The following SSH2 variants were observed in gnomAD, a reference collection of about 807,000 sequenced individuals.
SSH2 encodes protein phosphatase Slingshot homolog 2.
In SSH2, 37 loss-of-function variants were observed where a neutral mutation model predicts 135.2. The ratio of observed to expected loss-of-function variants is 0.27; its 90% CI spans 0.21 to 0.36. The LOEUF (loss-of-function observed/expected upper bound fraction) is 0.36, where lower values mean the gene tolerates loss of function less well. SSH2 is among the 10% of genes least tolerant of loss of function. The probability of loss-of-function intolerance (pLI) is 1.00; values close to 1 mark genes in which losing one functional copy is unlikely to be tolerated. For synonymous variants in SSH2, 628 were observed against 646.2 expected, an observed-to-expected ratio of 0.97 and a Z score of 0.43; for missense variants, 1,408 against 1,765.3, an observed-to-expected ratio of 0.80 and a Z score of 3.63.
chr17:29,809,889 C>T (rs546899633), intron 2 of SSH2, among the ~76,000 whole-genome samples: 1 of 152,162 alleles, frequency 6.6e-6, no homozygotes, highest in East Asian at 1.9e-4. Flanking sequence ...CTTAGGTGTC[C>T]CTTTCTCCAG....
chr17:29,632,876 G>A lies in SSH2; in HGVS notation c.2318C>T (p.Ala773Val). 1 of 1,614,076 alleles carries A rather than the reference G, an allele frequency of 6.2e-7. No homozygotes were observed. Among genetic ancestry groups the A allele is most frequent in the Non-Finnish European group, 8.5e-7 (1 of 1,179,984 alleles). Residue 773 changes from alanine to valine, a missense_variant, in exon 16 of 16, where the codon GCA becomes GTA. Coordinates refer to ENST00000540801, the MANE Select transcript of SSH2 (RefSeq NM_001282129.2). ...DIFMQSHSEN[A>V]ISVKEIVTEI... The stretch of plus-strand genomic sequence containing the variant: ...AGTGACAATTTCTTTGACTGAAATT[G>A]CATTTTCCGAGTGAGACTGCATGAA...
At chr17:29,901,914 G>C (rs1246583891) in intron 1 of SSH2, among the ~76,000 whole-genome samples, 1 of 152,038 alleles carries the variant, frequency 6.6e-6, no homozygotes, top group African/African-American at 2.4e-5. Context: ...CTCTCAAGTA[G>C]TAAGACTATA....
chr17:29,816,024 T>C lies in SSH2; in HGVS notation c.145-22087A>G, dbSNP rs550963896. On this transcript the variant is annotated intron_variant, in intron 2 of 15. Transcript: ENST00000540801. ...CCACCACATCTGGCTAATTTTTGTA[T>C]TTTTAGTGGAGACAGGGTTTTGCCA... Among the ~76,000 whole-genome samples, 36 of 151,692 alleles carry C rather than the reference T, an allele frequency of 2.4e-4. No homozygotes were observed. In the South Asian group the frequency reaches 7.3e-3, roughly 31 times the overall value.
At chr17:29,678,120 G>A (rs1419468196) in intron 6 of SSH2, among the ~76,000 whole-genome samples, 1 of 145,994 alleles carries the variant, frequency 6.8e-6, no homozygotes, top group African/African-American at 2.5e-5. Context: ...TTGAGATGGA[G>A]TCTTACTCTG....
At chr17:29,672,630 A>G (rs1403622039) in intron 8 of SSH2, among the ~76,000 whole-genome samples, 2 of 152,122 alleles carry the variant, frequency 1.3e-5, no homozygotes, top group Non-Finnish European at 2.9e-5. Flanking sequence ...TGTTGATCTA[A>G]TGATATTTAT....
intron 3 of SSH2, among the ~76,000 whole-genome samples, chr17:29,771,781 ATGG>A (rs2041591457): frequency 6.6e-6 from 1 of 152,218 alleles, no homozygotes; most frequent in African/African-American, 2.4e-5. Context: ...TTTGTTTAGG[ATGG>A]TCAAGTTTCC....
Position 29,844,836 on chromosome 17 carries a change from C to T in SSH2, c.144+4013G>A, listed in dbSNP as rs116077524. 9.8e-3 allele frequency among the ~76,000 whole-genome samples: 1,492 copies of T among 152,270 alleles called. 16 individuals carry two copies. Among genetic ancestry groups the T allele is most frequent in the African/African-American group, 0.032 (1,322 of 41,546 alleles). ...TCCTGCCTTCTCTTCCAGGAAAGCC[C>T]CAAGAGATCTAAGGCAGCCAGCCCT... On this transcript the variant is annotated intron_variant, in intron 2 of 15. Transcript: ENST00000540801.
chr17:29,680,664 C>T (rs959923058), intron 6 of SSH2, among the ~76,000 whole-genome samples: 4 of 146,018 alleles, frequency 2.7e-5, no homozygotes, highest in African/African-American at 5.0e-5. Flanking sequence ...AACAGAAACA[C>T]AGCTACCATG....
chr17:29,865,762 A>G (rs1050183214), intron 1 of SSH2, among the ~76,000 whole-genome samples: 2 of 152,210 alleles, frequency 1.3e-5, no homozygotes, highest in African/African-American at 4.8e-5. Context: ...AGTGTCTTCT[A>G]AAGACTACCA....
chr17:29,789,855 C>T (rs1599002833), intron 3 of SSH2, among the ~76,000 whole-genome samples: 1 of 152,168 alleles, frequency 6.6e-6, no homozygotes, highest in Non-Finnish European at 1.5e-5. Flanking sequence ...CCTATCAGTC[C>T]TACTTTCCTT....
chr17:29,899,750 A>G (rs554138936), intron 1 of SSH2, among the ~76,000 whole-genome samples: 1 of 152,334 alleles, frequency 6.6e-6, no homozygotes, highest in East Asian at 1.9e-4. Context: ...CAAGCTATCA[A>G]TGACTTTCTT....
intron 2 of SSH2, among the ~76,000 whole-genome samples, chr17:29,826,374 ATCCTACCAG>A (rs1555640068): frequency 6.6e-6 from 1 of 152,180 alleles, no homozygotes; most frequent in Non-Finnish European, 1.5e-5. Context: ...AGGAAACATA[ATCCTACCAG>A]TATGGAGAAG....
chr17:29,822,588 C>T (rs534388358), intron 2 of SSH2, among the ~76,000 whole-genome samples: 1 of 151,816 alleles, frequency 6.6e-6, no homozygotes, highest in South Asian at 2.1e-4. Flanking sequence ...TCTTGAACTC[C>T]TGGGCTCAAG....
intron 3 of SSH2, among the ~76,000 whole-genome samples, chr17:29,709,052 A>AGAGAGAGAGAGG (rs1491229455): frequency 6.9e-6 from 1 of 144,602 alleles, no homozygotes; most frequent in African/African-American, 2.6e-5. Flanking sequence ...AGAGAGAGAG[A>AGAGAGAGAGAGG]GCTAATAATA....
rs538411560 is a variant in SSH2, at chr17:29,869,865, T to C, written c.64-20936A>G. Among the ~76,000 whole-genome samples the C allele has an allele frequency of 2.6e-5, 4 of 152,250 alleles. No homozygotes were observed. In the East Asian group the frequency reaches 5.8e-4, roughly 22 times the overall value. ...CCAGTTGAAATCAGAACTCTCCTCA[T>C]AGGCAGTAGGAATAGATACTAAATC... On this transcript the variant is annotated intron_variant, in intron 1 of 15. Coordinates refer to ENST00000540801, the MANE Select transcript of SSH2 (RefSeq NM_001282129.2).
intron 11 of SSH2, among the ~76,000 whole-genome samples, chr17:29,659,695 G>T (rs1474602272): frequency 6.6e-6 from 1 of 151,684 alleles, no homozygotes; most frequent in East Asian, 1.9e-4. Flanking sequence ...GGCTAATTTT[G>T]TTTTTTGTAT....
chr17:29,809,291 G>C (rs940865354), intron 2 of SSH2, among the ~76,000 whole-genome samples: 1 of 152,148 alleles, frequency 6.6e-6, no homozygotes, highest in East Asian at 1.9e-4. Flanking sequence ...CTATTTAGTA[G>C]CTTGATAGAC....
intron 3 of SSH2, among the ~76,000 whole-genome samples, chr17:29,749,137 G>T (rs1038305039): frequency 2.0e-5 from 3 of 152,096 alleles, no homozygotes; most frequent in African/African-American, 7.2e-5. Context: ...AATGATCTGT[G>T]CCAGAACCTA....
At chr17:29,909,853 A>T (rs962816049) in intron 1 of SSH2, among the ~76,000 whole-genome samples, 5 of 152,238 alleles carry the variant, frequency 3.3e-5, no homozygotes, top group African/African-American at 9.6e-5. Flanking sequence ...ATAAGGTACA[A>T]GTACGACTTT....
Sources: allele counts gnomAD v4.1 joint callset (sites outside exome capture counted in the v4.1 genomes callset), GRCh38; gene constraint gnomAD v4.1.1; transcripts MANE v1.5; gene names NCBI Gene and HGNC (gene_info 2026-07-23, HGNC 2026-07-21).